The following SPATC1 variants were observed in gnomAD, a reference collection of about 807,000 sequenced individuals.
SPATC1 encodes the protein spermatogenesis and centriole associated 1, also known as speriolin.
A neutral mutation model predicts 36.5 loss-of-function variants in SPATC1; 35 were observed. The observed-to-expected ratio is 0.96, with a 90% confidence interval of 0.73 to 1.27. The LOEUF is 1.27. Ranked by LOEUF, SPATC1 falls within the 50% of genes most tolerant of loss-of-function variation. The pLI is 0.00. For missense variants in SPATC1, 779 were observed against 796.0 expected, an observed-to-expected ratio of 0.98 and a Z score of 0.26; for synonymous variants, 361 against 353.6, an observed-to-expected ratio of 1.02 and a Z score of -0.24.
chr8:144,031,506 C>T (rs1296585255), intron 1 of SPATC1, among the ~76,000 whole-genome samples: 1 of 121,072 alleles, frequency 8.3e-6, no homozygotes, highest in African/African-American at 3.2e-5. Flanking sequence ...CCTGGCTGGT[C>T]TTGAACTCCT....
chr8:144,046,876 A>T lies in SPATC1; in HGVS notation c.1696A>T (p.Met566Leu). The change falls in exon 5 of 5, where the codon ATG becomes TTG. Residue 566 changes from methionine (M) to leucine (L), a missense_variant. Coordinates refer to ENST00000377470, the MANE Select transcript of SPATC1 (RefSeq NM_198572.3). The surrounding 1 kb of genome is among the most constrained non-coding windows in gnomAD (Gnocchi z 6.6). ...RVVVETVHPG[M>L]LADALLLLSC... ...GGTGGTGGAGACCGTGCACCCCGGCATGCTCGCCGACGCGCTGCTGCTGCT... is the reference window on the plus strand; with the variant it reads ...GGTGGTGGAGACCGTGCACCCCGGCTTGCTCGCCGACGCGCTGCTGCTGCT... 1 of 1,600,334 alleles carries T rather than the reference A, an allele frequency of 6.2e-7. No homozygotes were observed. The highest frequency in any genetic ancestry group is 8.5e-7 in the Non-Finnish European group (1 of 1,179,780).
At chr8:144,044,685 G>A (rs190931394) in intron 4 of SPATC1, among the ~76,000 whole-genome samples, 1 of 151,710 alleles carries the variant, frequency 6.6e-6, no homozygotes, top group East Asian at 2.0e-4. Context: ...GGTGGCTCAC[G>A]CCTGTCATCC....
chr8:144,041,147 G>A, intron 3 of SPATC1, 40 bp downstream of exon 3: 1 of 1,589,068 alleles, frequency 6.3e-7, no homozygotes, highest in Non-Finnish European at 8.6e-7. Context: ...CGGGCCCCCA[G>A]GCCCTCTCCC....
At chr8:144,011,852 C>CT (rs1350864378), upstream of SPATC1, among the ~76,000 whole-genome samples, 1 of 152,138 alleles carries the variant, frequency 6.6e-6, no homozygotes, top group East Asian at 1.9e-4. The surrounding 1 kb of genome is among the most constrained non-coding windows in gnomAD (Gnocchi z 4.5). Flanking sequence ...AAGATAGAGA[C>CT]TCTGAGCACC....
rs202217687 is a variant in SPATC1 at position 144,040,499 on chromosome 8, G to A, written c.766+36G>A. On this transcript the variant is annotated intron_variant, in intron 2 of 4. Coordinates refer to ENST00000377470, the MANE Select transcript of SPATC1 (RefSeq NM_198572.3). The stretch of plus-strand genomic sequence containing the variant: ...TGGTGGGTGGTGGGTGGCAGAGTGG[G>A]GGGGGGCAGAGCCCTCCCACCTCAC... 3.8e-6 allele frequency: 6 copies of A among 1,563,148 alleles called. No homozygotes were observed. In the Admixed American group the frequency reaches 9.3e-5, roughly 24 times the overall value.
Position 144,040,099 on chromosome 8 carries a change from C to T in SPATC1, c.402C>T (p.Ser134=), listed in dbSNP as rs2133145556. 2 of 1,611,512 alleles carry T rather than the reference C, an allele frequency of 1.2e-6. No individual in the cohort carries two copies. The highest frequency in any genetic ancestry group is 1.7e-6 in the Non-Finnish European group (2 of 1,179,750). The part of the protein sequence containing the change: ...LLSGPAPTSQ[S]SPLTSFLTSP... The stretch of plus-strand genomic sequence containing the variant: ...CTGGCCCAGCACCCACGTCACAGAG[C>T]AGCCCCCTCACCAGCTTCCTGACCA... The change falls in exon 2 of 5, where the codon AGC becomes AGT. Residue 134 remains serine, a synonymous_variant. Transcript: ENST00000377470.
chr8:144,011,819 T>C (rs1208530603), upstream of SPATC1, among the ~76,000 whole-genome samples: 1 of 152,076 alleles, frequency 6.6e-6, no homozygotes, highest in African/African-American at 2.4e-5. This position sits in a 1 kb window ranked among gnomAD's most constrained non-coding sequence, Gnocchi z 4.5. Context: ...CTCCAAGTTA[T>C]AGAGAGCTCC....
upstream of SPATC1, among the ~76,000 whole-genome samples, chr8:144,012,191 G>A (rs782420624): frequency 2.8e-4 from 43 of 152,328 alleles, no homozygotes; most frequent in Middle Eastern, 0.01. Context: ...GAAACCCAGC[G>A]GGCAGCAATT....
At chr8:144,035,437 C>T (rs1834879386) in intron 1 of SPATC1, among the ~76,000 whole-genome samples, 1 of 152,266 alleles carries the variant, frequency 6.6e-6, no homozygotes, top group African/African-American at 2.4e-5. Flanking sequence ...TGTGTCGGCG[C>T]CATTGTTCCT....
chr8:144,040,562 C>A lies in SPATC1; in HGVS notation c.767-6C>A. ...TTTTTTATTTCTGTTCCCTCCACAT[C>A]ACTAGTCCCACTCTCCACTGAGCCC... is the stretch of plus-strand genomic sequence containing the variant. On this transcript the variant is annotated splice_region_variant and splice_polypyrimidine_tract_variant and intron_variant, in intron 2 of 4. Coordinates refer to ENST00000377470, the MANE Select transcript of SPATC1 (RefSeq NM_198572.3). 1 of 1,582,240 alleles carries A rather than the reference C, an allele frequency of 6.3e-7. No homozygotes were observed. Among genetic ancestry groups the A allele is most frequent in the South Asian group, 1.2e-5 (1 of 85,978 alleles).
In SPATC1 at chr8:144,046,545, A is replaced by G; in HGVS notation, c.1447-82A>G. Reference sequence around the variant, plus strand: ...CGGATCCTGGCCATCTCACAGCCTCACCTGCCCCTCGGTCTTCCCCTTACC... The same window carrying G: ...CGGATCCTGGCCATCTCACAGCCTCGCCTGCCCCTCGGTCTTCCCCTTACC... On this transcript the variant is annotated intron_variant, in intron 4 of 4. Transcript: ENST00000377470. This position sits in a 1 kb window ranked among gnomAD's most constrained non-coding sequence, Gnocchi z 6.6. 3 of 1,322,396 alleles carry G rather than the reference A, an allele frequency of 2.3e-6. No individual in the cohort carries two copies. The South Asian group carries it at 4.0e-5, about 18-fold the overall frequency. 81.9% of individuals were successfully genotyped at this position (1,322,396 alleles called of 1,614,324 possible). A position where few individuals can be genotyped will look rare whatever the true frequency, so the allele number is the denominator to read the frequency against.
At chr8:144,041,940 TG>T in intron 4 of SPATC1, 2 of 985,318 alleles carry the variant, frequency 2.0e-6, no homozygotes, top group Non-Finnish European at 2.4e-6. Context: ...AAAGCATCCT[TG>T]GGTTAGTTTT....
chr8:144,046,910 T>TCATC lies in SPATC1; in HGVS notation c.1732_1733insTCCA (p.Ser578IlefsTer8). On this transcript the variant is annotated frameshift_variant, in exon 5 of 5. Transcript: ENST00000377470. LOFTEE classifies it high-confidence loss of function. This position sits in a 1 kb window ranked among gnomAD's most constrained non-coding sequence, Gnocchi z 6.6. ...GACGCGCTGCTGCTGCTCTCCTGCC[T>TCATC]CAGCCAGCTGGCGCACGATGACGGC... The TCATC allele has an allele frequency of 6.3e-7, 1 of 1,598,974 alleles. No homozygotes were observed. The highest frequency in any genetic ancestry group is 8.5e-7 in the Non-Finnish European group (1 of 1,179,678).
intron 1 of SPATC1, among the ~76,000 whole-genome samples, chr8:144,019,399 G>A (rs1257506889): frequency 3.3e-5 from 5 of 152,242 alleles, no homozygotes; most frequent in African/African-American, 1.2e-4. Flanking sequence ...GCCCAAGACA[G>A]AAGGTACAAC....
At chr8:144,030,366 T>C (rs1834769998) in intron 1 of SPATC1, among the ~76,000 whole-genome samples, 1 of 152,204 alleles carries the variant, frequency 6.6e-6, no homozygotes, top group Admixed American at 6.5e-5. Context: ...TGTATGTATG[T>C]ATGTATGTAT....
Position 144,039,965 on chromosome 8 carries a change from G to C in SPATC1, c.268G>C (p.Gly90Arg). 6.2e-7 allele frequency: 1 copy of C among 1,613,964 alleles called. No individual in the cohort carries two copies. Among genetic ancestry groups the C allele is most frequent in the Non-Finnish European group, 8.5e-7 (1 of 1,179,978 alleles). The part of the protein sequence containing the change: ...VANERVLEEV[G>R]IMALAPLAEM... ...AAACGAACGAGTCCTCGAAGAAGTG[G>C]GGATCATGGCCTTGGCACCCCTGGC... Residue 90 changes from glycine to arginine, a missense_variant, in exon 2 of 5, where the codon GGG becomes CGG. Gly to Arg is a moderately radical substitution (Grantham distance 125, BLOSUM62 -2). Coordinates refer to ENST00000377470, the MANE Select transcript of SPATC1 (RefSeq NM_198572.3).
chr8:144,042,311 ATTTTTTTTT>A (rs1184651892), intron 4 of SPATC1, among the ~76,000 whole-genome samples: 5 of 23,882 alleles, frequency 2.1e-4, no homozygotes, highest in African/African-American at 1.2e-3. Flanking sequence ...ATATATATAT[ATTTTTTTTT>A]TTTTTTTTTT....
chr8:144,015,878 T>C (rs1385789715), intron 1 of SPATC1, among the ~76,000 whole-genome samples: 14 of 149,430 alleles, frequency 9.4e-5, no homozygotes, highest in African/African-American at 3.5e-4. Context: ...GCAAACACAG[T>C]GAAACTCCAT....
intron 1 of SPATC1, among the ~76,000 whole-genome samples, chr8:144,039,261 A>G (rs1834995035): frequency 6.6e-6 from 1 of 152,232 alleles, no homozygotes; most frequent in East Asian, 1.9e-4. Flanking sequence ...AGGACCAAGG[A>G]AAGCAGGCTC....
Sources: allele counts gnomAD v4.1 joint callset (sites outside exome capture counted in the v4.1 genomes callset), GRCh38; gene constraint gnomAD v4.1.1; non-coding constraint Gnocchi (gnomAD v3.1); transcripts MANE v1.5; gene names NCBI Gene and HGNC (gene_info 2026-07-23, HGNC 2026-07-21).